Variants in IL34 observed in about 807,000 individuals in gnomAD.
IL34 encodes the protein interleukin 34.
A neutral mutation model predicts 25.3 loss-of-function variants in IL34; 17 were observed. That is an observed-to-expected ratio of 0.67 (90% CI 0.46 to 1.01). IL34 has a LOEUF of 1.01. IL34 is among the 50% of genes least tolerant of loss of function. The pLI, the probability that IL34 is intolerant of heterozygous loss-of-function variation, is 0.00. For synonymous variants in IL34, 174 were observed against 140.9 expected (o/e 1.23, Z -1.66); for missense variants, 368 against 312.9 (o/e 1.18, Z -1.33).
chr16:70,595,575 C>T (rs977254826), intron 1 of IL34, among the ~76,000 whole-genome samples: 3 of 152,114 alleles, frequency 2.0e-5, no homozygotes, highest in African/African-American at 7.2e-5. Flanking sequence ...ACTTCAACCT[C>T]CCACAGTGCT....
chr16:70,629,333 TA>T (rs1263686066), intron 1 of IL34, among the ~76,000 whole-genome samples: 2 of 152,188 alleles, frequency 1.3e-5, no homozygotes, highest in Non-Finnish European at 2.9e-5. Context: ...GAGGTTGAGG[TA>T]TTTTATCATG....
chr16:70,621,485 T>C lies in IL34; in HGVS notation c.-400-25063T>C, dbSNP rs933136840. ...CTTACCTGATTTAAAATTGGTGATA[T>C]TCCTTGGGCTGGTCGGTCTGAGGAC... On this transcript the variant is annotated intron_variant, in intron 1 of 6. Transcript: ENST00000429149. Among the ~76,000 whole-genome samples, 90 of 152,172 alleles carry C rather than the reference T, an allele frequency of 5.9e-4. 1 individual carries two copies. In the East Asian group the frequency reaches 0.016, roughly 27 times the overall value.
chr16:70,601,512 A>T (rs977358121), intron 1 of IL34, among the ~76,000 whole-genome samples: 3 of 151,992 alleles, frequency 2.0e-5, no homozygotes, highest in African/African-American at 4.8e-5. Flanking sequence ...CCTGGGCTCA[A>T]ACAATTCTCC....
intron 1 of IL34, among the ~76,000 whole-genome samples, chr16:70,641,434 C>T (rs2051779851): frequency 6.6e-6 from 1 of 152,116 alleles, no homozygotes; most frequent in Non-Finnish European, 1.5e-5. Context: ...ATCAATTACA[C>T]CTCAATAAGC....
chr16:70,626,893 T>C (rs1184413195), intron 1 of IL34, among the ~76,000 whole-genome samples: 1 of 152,184 alleles, frequency 6.6e-6, no homozygotes, highest in Non-Finnish European at 1.5e-5. Flanking sequence ...TGTATTTGAG[T>C]CTATTTCAGA....
chr16:70,598,845 C>T (rs900579337), intron 1 of IL34, among the ~76,000 whole-genome samples: 2 of 152,188 alleles, frequency 1.3e-5, no homozygotes, highest in African/African-American at 2.4e-5. Flanking sequence ...GCAGTTCTGT[C>T]AGACTGCTCT....
intron 1 of IL34, among the ~76,000 whole-genome samples, chr16:70,601,397 A>C (rs922440854): frequency 1.3e-4 from 19 of 152,000 alleles, no homozygotes; most frequent in African/African-American, 4.6e-4. Flanking sequence ...GTGCCCCACC[A>C]AGCCTAGCCT....
chr16:70,621,835 GTT>G (rs1480809096), intron 1 of IL34, among the ~76,000 whole-genome samples: 2 of 151,930 alleles, frequency 1.3e-5, no homozygotes, highest in Non-Finnish European at 2.9e-5. Context: ...CAGTGGGGGT[GTT>G]TTTGAGCCAG....
chr16:70,602,420 C>A (rs777747930), intron 1 of IL34, among the ~76,000 whole-genome samples: 2 of 152,120 alleles, frequency 1.3e-5, no homozygotes, highest in Non-Finnish European at 2.9e-5. Flanking sequence ...GTGGTCCCAG[C>A]TACTCAGGAG....
chr16:70,644,786 AAAG>A (rs1275937352), upstream of IL34, among the ~76,000 whole-genome samples: 1 of 127,788 alleles, frequency 7.8e-6, no homozygotes, highest in Non-Finnish European at 1.6e-5. Flanking sequence ...GGAGGGAGGA[AAAG>A]GAGGAGGGAG....
At chr16:70,618,808 A>G (rs927732889) in intron 1 of IL34, among the ~76,000 whole-genome samples, 4 of 152,130 alleles carry the variant, frequency 2.6e-5, no homozygotes, top group Non-Finnish European at 5.9e-5. Context: ...TTTGGGCTTG[A>G]TTGAAGTAAT....
intron 1 of IL34, among the ~76,000 whole-genome samples, chr16:70,651,129 A>G (rs116914596): frequency 0.015 from 2,218 of 152,032 alleles, 21 homozygotes; most frequent in Non-Finnish European, 0.021. Context: ...GTGGTGCTGG[A>G]GACAGAGACC....
intron 1 of IL34, among the ~76,000 whole-genome samples, chr16:70,609,322 G>C (rs558566831): frequency 1.3e-5 from 2 of 152,072 alleles, no homozygotes; most frequent in Non-Finnish European, 2.9e-5. Context: ...CAGGTGATCT[G>C]CCCGCTTCTG....
At chr16:70,595,544 C>T (rs1248477149) in intron 1 of IL34, among the ~76,000 whole-genome samples, 1 of 152,000 alleles carries the variant, frequency 6.6e-6, no homozygotes, top group Non-Finnish European at 1.5e-5. Flanking sequence ...TCTTGAACTC[C>T]TGGACTCATG....
intron 1 of IL34, among the ~76,000 whole-genome samples, chr16:70,621,716 G>A (rs1398652352): frequency 6.6e-6 from 1 of 152,118 alleles, no homozygotes; most frequent in Non-Finnish European, 1.5e-5. Context: ...GAGAGTCAGT[G>A]AAGGGAGATA....
At chr16:70,591,783 A>G (rs2050757899) in intron 1 of IL34, among the ~76,000 whole-genome samples, 1 of 152,142 alleles carries the variant, frequency 6.6e-6, no homozygotes, top group Admixed American at 6.5e-5. Flanking sequence ...CAGATGAGGA[A>G]ACTGAGGATC....
intron 1 of IL34, among the ~76,000 whole-genome samples, chr16:70,637,023 G>A (rs1783092886): frequency 6.6e-6 from 1 of 151,620 alleles, no homozygotes; most frequent in South Asian, 2.1e-4. Context: ...GGGACTACAG[G>A]CTAATTTTTT....
intron 4 of IL34, 105 bp from the exon 5 acceptor site, chr16:70,659,513 C>T (rs932742180): frequency 3.6e-6 from 5 of 1,385,648 alleles, no homozygotes; most frequent in African/African-American, 1.4e-5. Context: ...AAGTCTGGTC[C>T]TTCTTCCGGG....
chr16:70,660,055 C>G lies in IL34; in HGVS notation c.597C>G (p.Cys199Trp), dbSNP rs764810390. Residue 199 changes from cysteine (C) to tryptophan (W), a missense_variant, in exon 6 of 6, where the codon TGC (cysteine) becomes TGG (tryptophan). Physicochemically the swap from Cys to Trp is radical, Grantham distance 215. Coordinates refer to ENST00000288098, the MANE Select transcript of IL34 (RefSeq NM_001393494.1). The part of the protein sequence containing the change: ...QDCEVPSPQS[C>W]SPEPSLQYAA... ...GTGAGGTGCCAAGTCCTCAGTCTTG[C>G]AGCCCAGAGCCCTCATTGCAGTATG... is the stretch of plus-strand genomic sequence containing the variant. 1.2e-5 allele frequency: 20 copies of G among 1,613,252 alleles called. No individual in the cohort carries two copies. Among genetic ancestry groups the G allele is most frequent in the Non-Finnish European group, 1.7e-5 (20 of 1,179,734 alleles).
Sources: gnomAD v4.1 joint callset for allele counts (sites outside exome capture counted in the v4.1 genomes callset) on GRCh38, gnomAD v4.1.1 for gene constraint, MANE v1.5 for transcripts, NCBI Gene and HGNC (gene_info 2026-07-23, HGNC 2026-07-21) for gene names.